HDAC8: variants seen among roughly 807,000 people sequenced by gnomAD.
HDAC8 encodes histone deacetylase 8, also known as histone deacetylase-like 1.
In HDAC8, 1 loss-of-function variant was observed where a neutral mutation model predicts 32.2. The observed-to-expected ratio is 0.03, with a 90% CI of 0.01 to 0.15. The LOEUF (loss-of-function observed/expected upper bound fraction) is 0.15. Among genes scored for constraint, HDAC8 ranks in the 10% least tolerant of loss-of-function variants. The pLI, the probability that HDAC8 is intolerant of heterozygous loss-of-function variation, is 1.00. For synonymous variants in HDAC8, 108 were observed against 113.9 expected (o/e 0.95, Z 0.33); for missense variants, 117 against 300.0 (o/e 0.39, Z 4.51).
intron 4 of HDAC8, among the ~76,000 whole-genome samples, chrX:72,534,114 T>A (rs2050439980): frequency 9.1e-6 from 1 of 109,591 alleles, no homozygotes; most frequent in Non-Finnish European, 1.9e-5. Context: ...ATGTATAAAA[T>A]CCTAAGGAGT....
At chrX:72,511,954 T>A (rs1287183356) in intron 4 of HDAC8, among the ~76,000 whole-genome samples, 1 of 112,270 alleles carries the variant, frequency 8.9e-6, no homozygotes, top group Non-Finnish European at 1.9e-5. Context: ...AGCTAAATTC[T>A]GAAAGATTGT....
In HDAC8 at chrX:72,550,039, A is replaced by C. The variant is rs184674763; in HGVS notation, c.437+17850T>G. On this transcript the variant is annotated intron_variant, in intron 4 of 10. Coordinates refer to ENST00000373573, the MANE Select transcript of HDAC8 (RefSeq NM_018486.3). ...CTGAAGTTCTTAATCTAGGACCCAT[A>C]CATGGGCTTCAGGAAATCCTTATAC... is the stretch of plus-strand genomic sequence containing the variant. Among the ~76,000 whole-genome samples, 3 of 111,959 alleles carry C rather than the reference A, an allele frequency of 2.7e-5. No individual in the cohort carries two copies. In the Admixed American group the frequency reaches 2.8e-4, roughly 11 times the overall value.
At chrX:72,385,460 C>T (rs1469362937) in intron 9 of HDAC8, among the ~76,000 whole-genome samples, 1 of 110,429 alleles carries the variant, frequency 9.1e-6, no homozygotes. Flanking sequence ...AAGACCTCAT[C>T]TCAAAACCAA....
At chrX:72,425,578 C>T (rs1179181942) in intron 9 of HDAC8, among the ~76,000 whole-genome samples, 1 of 112,128 alleles carries the variant, frequency 8.9e-6, no homozygotes, top group Non-Finnish European at 1.9e-5. Context: ...TATTCTTTAT[C>T]TTTACTGATT....
chrX:72,438,238 C>T (rs2047011513), intron 9 of HDAC8, among the ~76,000 whole-genome samples: 2 of 112,097 alleles, frequency 1.8e-5, no homozygotes, highest in Non-Finnish European at 3.8e-5. Context: ...TCCAGCACAC[C>T]TGCAGCAGAG....
At chrX:72,412,722 C>T (rs1555970571) in intron 9 of HDAC8, among the ~76,000 whole-genome samples, 1 of 111,676 alleles carries the variant, frequency 9.0e-6, no homozygotes, top group African/African-American at 3.3e-5. Flanking sequence ...TGCCATGGTA[C>T]CCATTATATA....
chrX:72,559,687 G>A (rs1376533789), intron 4 of HDAC8, among the ~76,000 whole-genome samples: 17 of 105,657 alleles, frequency 1.6e-4, no homozygotes, highest in African/African-American at 5.2e-4. Flanking sequence ...CCGCCACCCC[G>A]TCTGGGATGT....
At chrX:72,388,595 TACACACACACACACACACACACAC>T (rs59374504) in intron 9 of HDAC8, among the ~76,000 whole-genome samples, 1 of 88,384 alleles carries the variant, frequency 1.1e-5, no homozygotes, top group Non-Finnish European at 2.2e-5. Context: ...CCACAGTGAT[TACACACACACACACACACACACAC>T]ACACACACAC....
chrX:72,518,287 C>A (rs1026603630), intron 4 of HDAC8, among the ~76,000 whole-genome samples: 18 of 111,372 alleles, frequency 1.6e-4, no homozygotes, highest in African/African-American at 5.5e-4. Context: ...CTGCTGTCAT[C>A]CCTAGACCCA....
At chrX:72,431,186 A>C (rs2046805627) in intron 9 of HDAC8, among the ~76,000 whole-genome samples, 1 of 110,872 alleles carries the variant, frequency 9.0e-6, no homozygotes, top group Non-Finnish European at 1.9e-5. Flanking sequence ...TGCCCCACCT[A>C]CCTGGAAAAA....
chrX:72,529,827 G>A (rs2050271381), intron 4 of HDAC8, among the ~76,000 whole-genome samples: 1 of 111,461 alleles, frequency 9.0e-6, no homozygotes, highest in Non-Finnish European at 1.9e-5. Flanking sequence ...GGACCTGGTG[G>A]GAGGTGATTG....
At chrX:72,393,676 A>G (rs2045675436) in intron 9 of HDAC8, among the ~76,000 whole-genome samples, 1 of 110,982 alleles carries the variant, frequency 9.0e-6, no homozygotes, top group Non-Finnish European at 1.9e-5. Flanking sequence ...GGCTTTGGGA[A>G]AAGGAGGATG....
At chrX:72,330,519 A>C (rs892707263) in intron 10 of HDAC8, among the ~76,000 whole-genome samples, 1 of 110,784 alleles carries the variant, frequency 9.0e-6, no homozygotes, top group Non-Finnish European at 1.9e-5. Context: ...CCCACCCCCA[A>C]CTTTTCTTCC....
chrX:72,376,098 G>A (rs1463223935), intron 9 of HDAC8, among the ~76,000 whole-genome samples: 1 of 108,403 alleles, frequency 9.2e-6, no homozygotes, highest in African/African-American at 3.4e-5. Flanking sequence ...TTTTTGAGAC[G>A]AGGTCTCACC....
chrX:72,358,652 T>C (rs2044444924), intron 9 of HDAC8, among the ~76,000 whole-genome samples: 1 of 112,140 alleles, frequency 8.9e-6, no homozygotes, highest in African/African-American at 3.2e-5. Context: ...TGGACCACAG[T>C]TGACACAGCA....
chrX:72,521,212 G>A (rs1312120964), intron 4 of HDAC8, among the ~76,000 whole-genome samples: 1 of 108,366 alleles, frequency 9.2e-6, no homozygotes, highest in Admixed American at 9.6e-5. Flanking sequence ...CTGCAAAACA[G>A]TGATTTTTTT....
At chrX:72,519,171 T>C (rs1353790943) in intron 4 of HDAC8, among the ~76,000 whole-genome samples, 1 of 112,409 alleles carries the variant, frequency 8.9e-6, no homozygotes, top group Non-Finnish European at 1.9e-5. Flanking sequence ...ATAGTATTCC[T>C]TGTATGGATA....
chrX:72,385,124 G>C (rs2147833630), intron 9 of HDAC8, among the ~76,000 whole-genome samples: 1 of 109,386 alleles, frequency 9.1e-6, no homozygotes, highest in East Asian at 2.8e-4. Flanking sequence ...TGCATTTATT[G>C]TGATTTTGTT....
At chrX:72,413,761 G>T (rs1254779640) in intron 9 of HDAC8, among the ~76,000 whole-genome samples, 2 of 111,615 alleles carry the variant, frequency 1.8e-5, no homozygotes, top group Non-Finnish European at 3.8e-5. Context: ...GAAGAAGGAT[G>T]TGTTTGCTTC....
Sources: allele counts gnomAD v4.1 joint callset (sites outside exome capture counted in the v4.1 genomes callset), GRCh38; gene constraint gnomAD v4.1.1; transcripts MANE v1.5; gene names NCBI Gene and HGNC (gene_info 2026-07-23, HGNC 2026-07-21).